The following NFIB variants were observed in gnomAD, a reference collection of about 807,000 sequenced individuals.
The protein encoded by NFIB is nuclear factor I B.
Under a neutral mutation model 61.5 loss-of-function variants are expected in NFIB, and 11 were observed. That is an observed-to-expected ratio of 0.18 (90% CI 0.11 to 0.30). The LOEUF (loss-of-function observed/expected upper bound fraction) is 0.30, where lower values mean the gene tolerates loss of function less well. Ranked by LOEUF, NFIB falls within the 10% of genes least tolerant of loss-of-function variation. The pLI, the probability that NFIB is intolerant of heterozygous loss-of-function variation, is 1.00. For synonymous variants in NFIB, 260 were observed against 216.5 expected (o/e 1.20, Z -1.76); for missense variants, 471 against 608.9 (o/e 0.77, Z 2.38).
At chr9:14,299,267 A>G (rs2059619825) in intron 2 of NFIB, among the ~76,000 whole-genome samples, 1 of 152,150 alleles carries the variant, frequency 6.6e-6, no homozygotes, top group Non-Finnish European at 1.5e-5. Flanking sequence ...TTTCAAAATG[A>G]GTATGAAAAA....
chr9:14,405,804 C>G, the NFIB span, among the ~76,000 whole-genome samples: 19 of 152,252 alleles, frequency 1.2e-4, no homozygotes, highest in Middle Eastern at 3.4e-3. Flanking sequence ...CTATTTAGCC[C>G]CGATGGGTTC....
intron 1 of NFIB, among the ~76,000 whole-genome samples, chr9:14,326,483 G>A (rs1228316159): frequency 6.6e-6 from 1 of 152,116 alleles, no homozygotes; most frequent in Non-Finnish European, 1.5e-5. Context: ...ACTACATGCT[G>A]CACCTGTGCA....
At chr9:14,500,386 A>G in the NFIB span, among the ~76,000 whole-genome samples, 1 of 152,124 alleles carries the variant, frequency 6.6e-6, no homozygotes, top group Non-Finnish European at 1.5e-5. Context: ...ACAAAATTAT[A>G]TATGTAAAAC....
intron 1 of NFIB, among the ~76,000 whole-genome samples, chr9:14,396,955 C>A (rs2061693382): frequency 6.6e-6 from 1 of 152,144 alleles, no homozygotes; most frequent in Non-Finnish European, 1.5e-5. Flanking sequence ...GCCTGCATGT[C>A]ATGACTTTAT....
chr9:14,188,602 C>A (rs2047625076), intron 2 of NFIB, among the ~76,000 whole-genome samples: 1 of 152,234 alleles, frequency 6.6e-6, no homozygotes, highest in Non-Finnish European at 1.5e-5. Context: ...GATTTATAAT[C>A]TTTCATAAAT....
At chr9:14,527,604 C>A in the NFIB span, among the ~76,000 whole-genome samples, 3 of 152,042 alleles carry the variant, frequency 2.0e-5, 1 homozygote, top group Admixed American at 2.0e-4. Context: ...CAGAATGGGG[C>A]GATAGGATTG....
intron 2 of NFIB, among the ~76,000 whole-genome samples, chr9:14,211,699 C>T (rs927023974): frequency 6.6e-6 from 1 of 152,230 alleles, no homozygotes; most frequent in African/African-American, 2.4e-5. Flanking sequence ...ATCCACCCTG[C>T]GGGGCCGTCT....
chr9:14,441,283 T>C, the NFIB span, among the ~76,000 whole-genome samples: 2 of 152,270 alleles, frequency 1.3e-5, no homozygotes, highest in Non-Finnish European at 2.9e-5. Context: ...ACCAAGACAT[T>C]GCCAAAAGTA....
At chr9:14,463,676 T>TTG in the NFIB span, among the ~76,000 whole-genome samples, 1 of 62,996 alleles carries the variant, frequency 1.6e-5, no homozygotes, top group Non-Finnish European at 3.1e-5. Flanking sequence ...TTTTTTTTTT[T>TTG]TTTTTTGAGA....
At chr9:14,448,722 G>C in the NFIB span, among the ~76,000 whole-genome samples, 7 of 152,206 alleles carry the variant, frequency 4.6e-5, no homozygotes, top group Admixed American at 1.3e-4. Context: ...TGGGAGCACA[G>C]AGCTGTGTAC....
At chr9:14,519,024 C>A in the NFIB span, among the ~76,000 whole-genome samples, 3 of 152,122 alleles carry the variant, frequency 2.0e-5, no homozygotes, top group Non-Finnish European at 4.4e-5. Flanking sequence ...TTTGATGGGT[C>A]CTTTTGGACC....
chr9:14,347,129 A>G lies in NFIB; in HGVS notation c.109-39609T>C, dbSNP rs2061034387. Among the ~76,000 whole-genome samples the G allele has an allele frequency of 1.3e-5, 2 of 150,206 alleles. 1 individual carries two copies. Among genetic ancestry groups the G allele is most frequent in the African/African-American group, 4.9e-5 (2 of 40,550 alleles). ...GAGCTGGAAGGCAGGCAGACGCGCG[A>G]GGCTTGGGAAGGGTGGGATCTTAAA... On this transcript the variant is annotated intron_variant, in intron 1 of 8. Transcript: ENST00000380934.
intron 1 of NFIB, among the ~76,000 whole-genome samples, chr9:14,380,782 C>T (rs1398749659): frequency 6.6e-6 from 1 of 152,042 alleles, no homozygotes; most frequent in Non-Finnish European, 1.5e-5. Flanking sequence ...TATTGCCATC[C>T]CTGTTTCTTC....
chr9:14,124,724 T>G (rs1806795208), intron 7 of NFIB, among the ~76,000 whole-genome samples: 1 of 152,186 alleles, frequency 6.6e-6, no homozygotes, highest in Non-Finnish European at 1.5e-5. Flanking sequence ...ATTTTTAATT[T>G]TTGAAAGATT....
chr9:14,303,991 C>G (rs1563992675), intron 2 of NFIB, among the ~76,000 whole-genome samples: 1 of 152,200 alleles, frequency 6.6e-6, no homozygotes, highest in Non-Finnish European at 1.5e-5. Flanking sequence ...GCAAAATGGA[C>G]TGAATTGCGG....
chr9:14,307,343 G>C lies in NFIB; in HGVS notation c.208C>G (p.Gln70Glu). The part of the protein sequence containing the change: ...ELLSEKPEIK[Q>E]KWASRLLAKL... ...GCAAGGAGCCTGGATGCCCACTTCT[G>C]TTTGATTTCAGGCTTTTCACTGAGA... The change falls in exon 2 of 11, where the codon CAG becomes GAG. Residue 70 changes from glutamine to glutamate, a missense_variant. By Grantham distance (29) the Gln-to-Glu change is conservative. Transcript: ENST00000380953. The surrounding 1 kb of genome is among the most constrained non-coding windows in gnomAD (Gnocchi z 5.3). 2.5e-6 allele frequency: 4 copies of C among 1,613,978 alleles called. No individual in the cohort carries two copies. The highest frequency in any genetic ancestry group is 3.4e-6 in the Non-Finnish European group (4 of 1,179,982).
chr9:14,458,383 A>C, the NFIB span, among the ~76,000 whole-genome samples: 3 of 152,212 alleles, frequency 2.0e-5, no homozygotes, highest in African/African-American at 7.2e-5. Flanking sequence ...AATAGGAGCT[A>C]TTTATGACAA....
intron 2 of NFIB, among the ~76,000 whole-genome samples, chr9:14,221,640 T>G (rs2131836957): frequency 6.6e-6 from 1 of 152,272 alleles, no homozygotes; most frequent in African/African-American, 2.4e-5. Context: ...TAAGTAATGC[T>G]CATGTCCTCT....
chr9:14,426,332 A>G, the NFIB span, among the ~76,000 whole-genome samples: 1 of 152,098 alleles, frequency 6.6e-6, no homozygotes, highest in Non-Finnish European at 1.5e-5. Flanking sequence ...TGTAGTTTTT[A>G]TACTCTCCTC....
Sources: allele counts gnomAD v4.1 joint callset (sites outside exome capture counted in the v4.1 genomes callset), GRCh38; gene constraint gnomAD v4.1.1; non-coding constraint Gnocchi (gnomAD v3.1); transcripts MANE v1.5; gene names NCBI Gene and HGNC (gene_info 2026-07-23, HGNC 2026-07-21).